The following ABCB5 variants were observed in gnomAD, a reference collection of about 807,000 sequenced individuals.
The protein encoded by ABCB5 is ATP-binding cassette sub-family B member 5.
In ABCB5, 155 loss-of-function variants were observed where a neutral mutation model predicts 144.2. The ratio of observed to expected loss-of-function variants is 1.08; its 90% CI spans 0.94 to 1.23. The LOEUF (loss-of-function observed/expected upper bound fraction) is 1.23. Ranked by LOEUF, ABCB5 falls within the 50% of genes most tolerant of loss-of-function variation. ABCB5 has a pLI of 0.00. For missense variants in ABCB5, 1,830 were observed against 1,520.8 expected, an observed-to-expected ratio of 1.20 and a Z score of -3.38; for synonymous variants, 610 against 528.6, an observed-to-expected ratio of 1.15 and a Z score of -2.11.
At chr7:20,670,630 C>T (rs1403128751) in intron 14 of ABCB5, among the ~76,000 whole-genome samples, 3 of 152,180 alleles carry the variant, frequency 2.0e-5, no homozygotes, top group African/African-American at 7.2e-5. Flanking sequence ...AGCAAGCTGG[C>T]CGGGTGCGGT....
chr7:20,643,362 AC>A lies in ABCB5; in HGVS notation c.494del (p.Thr165IlefsTer3). The A allele has an allele frequency of 6.2e-7, 1 of 1,613,870 alleles. No individual in the cohort carries two copies. Among genetic ancestry groups the A allele is most frequent in the South Asian group, 1.1e-5 (1 of 91,078 alleles). ...FDSCDIGELN[T>X]RMTDDIDKIS... ...TAGCTGTGACATCGGTGAACTTAAC[AC>A]TCGCATGACAGAGTAAGAGGATGAT... is the stretch of plus-strand genomic sequence containing the variant. On this transcript the variant is annotated frameshift_variant, in exon 6 of 28. Transcript: ENST00000404938. LOFTEE classifies it high-confidence loss of function.
intron 13 of ABCB5, among the ~76,000 whole-genome samples, chr7:20,654,597 T>G (rs1016140627): frequency 6.6e-6 from 1 of 152,098 alleles, no homozygotes; most frequent in African/African-American, 2.4e-5. Flanking sequence ...TTCTGGGCCA[T>G]CAAAACAAAC....
At chr7:20,730,566 T>A (rs62453386) in intron 23 of ABCB5, among the ~76,000 whole-genome samples, 2 of 152,156 alleles carry the variant, frequency 1.3e-5, no homozygotes, top group African/African-American at 4.8e-5. Flanking sequence ...TATGTTCTCC[T>A]AGCCTCTAAA....
rs869149519 is a variant in ABCB5 at position 20,731,355 on chromosome 7, G to GAAAA, written c.2867+2912_2867+2915dup. ...GCAACAGAGCAAGACTCCAACTCAG[G>GAAAA]AAAAAAAAAAAAAAATATATATATA... On this transcript the variant is annotated intron_variant, in intron 23 of 27. Transcript: ENST00000404938. 4.0e-4 allele frequency among the ~76,000 whole-genome samples: 51 copies of GAAAA among 127,856 alleles called. 1 individual carries two copies. The highest frequency in any genetic ancestry group is 1.1e-3 in the East Asian group (5 of 4,382). 83.9% of individuals were successfully genotyped at this position (127,856 alleles called of 152,430 possible).
chr7:20,642,769 G>T (rs184244581), intron 5 of ABCB5, among the ~76,000 whole-genome samples: 2 of 152,228 alleles, frequency 1.3e-5, no homozygotes, highest in East Asian at 3.9e-4. Context: ...TTACCTTAGG[G>T]TGAATTCCTT....
intron 20 of ABCB5, among the ~76,000 whole-genome samples, chr7:20,717,000 A>G (rs12700234): frequency 0.076 from 11,506 of 152,238 alleles, 420 homozygotes; most frequent in Middle Eastern, 0.13. Context: ...GCCCAGGCTT[A>G]CAAGCACTTA....
chr7:20,732,031 C>T (rs541820202), intron 23 of ABCB5, among the ~76,000 whole-genome samples: 23 of 152,302 alleles, frequency 1.5e-4, no homozygotes, highest in African/African-American at 5.5e-4. Flanking sequence ...TTGAATAAAG[C>T]CAAAGTCCTT....
At chr7:20,741,837 A>G (rs2128055081) in intron 24 of ABCB5, among the ~76,000 whole-genome samples, 1 of 152,308 alleles carries the variant, frequency 6.6e-6, no homozygotes, top group Non-Finnish European at 1.5e-5. Flanking sequence ...TAGTCTAACA[A>G]CAAAAATTAA....
chr7:20,717,437 C>CT (rs557306157), intron 20 of ABCB5, among the ~76,000 whole-genome samples: 6,850 of 132,930 alleles, frequency 0.052, 209 homozygotes, highest in Middle Eastern at 0.12. Flanking sequence ...CAGATTTCCT[C>CT]TTTTTTTTTT....
intron 14 of ABCB5, among the ~76,000 whole-genome samples, chr7:20,668,836 C>A (rs1785336629): frequency 7.8e-6 from 1 of 128,736 alleles, no homozygotes; most frequent in Admixed American, 7.4e-5. Context: ...GCCGCCCCGT[C>A]CGGGAGGGAG....
intron 21 of ABCB5, among the ~76,000 whole-genome samples, chr7:20,725,462 C>T (rs1782005328): frequency 6.6e-6 from 1 of 152,160 alleles, no homozygotes; most frequent in Non-Finnish European, 1.5e-5. Context: ...GCCTGCAATC[C>T]CAGCTACTCA....
At chr7:20,704,675 TA>T (rs550551533) in intron 19 of ABCB5, 48 bp from the exon 20 acceptor site, 176 of 1,491,018 alleles carry the variant, frequency 1.2e-4, no homozygotes, top group Middle Eastern at 1.9e-4. Flanking sequence ...ACAAGTCAGA[TA>T]AAAAAAATGA....
chr7:20,720,200 G>A (rs999519155), intron 20 of ABCB5, among the ~76,000 whole-genome samples: 1 of 152,112 alleles, frequency 6.6e-6, no homozygotes, highest in African/African-American at 2.4e-5. Context: ...CAAAGCCAAC[G>A]TGAAGGGACT....
rs1459539018 is a variant in ABCB5, at chr7:20,756,256, G to GAGCC, written c.*634_*637dup. ...CACCAGTAAGTGAAGTGCCTCACATGAGCCATCCCAAAGATTCATTATTCC... is the reference window on the plus strand; with the variant it reads ...CACCAGTAAGTGAAGTGCCTCACATGAGCCAGCCATCCCAAAGATTCATTATTCC... On this transcript the variant is annotated 3_prime_UTR_variant, in exon 28 of 28. Transcript: ENST00000404938. 6.6e-6 allele frequency: 1 copy of GAGCC among 152,384 alleles called. No individual in the cohort carries two copies. Among genetic ancestry groups the GAGCC allele is most frequent in the African/African-American group, 2.4e-5 (1 of 41,442 alleles). 9.4% of individuals were successfully genotyped at this position (152,384 alleles called of 1,614,324 possible).
chr7:20,671,471 C>T (rs1354498509), intron 14 of ABCB5, among the ~76,000 whole-genome samples: 2 of 152,222 alleles, frequency 1.3e-5, no homozygotes, highest in African/African-American at 2.4e-5. Context: ...CTGACCCTCT[C>T]CAGCCCTCCT....
chr7:20,694,533 C>T (rs1483079961), intron 16 of ABCB5, among the ~76,000 whole-genome samples: 1 of 151,932 alleles, frequency 6.6e-6, no homozygotes, highest in East Asian at 1.9e-4. Context: ...AGACTAAGAT[C>T]GAGAACAAGG....
chr7:20,626,625 G>C lies in ABCB5; in HGVS notation c.108+14G>C. Reference sequence around the variant, plus strand: ...TCTATTGAGATAGTAAGTGAAATCAGTTAGAAAGTACATGCATTAGAAGAT... The same window carrying C: ...TCTATTGAGATAGTAAGTGAAATCACTTAGAAAGTACATGCATTAGAAGAT... On this transcript the variant is annotated intron_variant, in intron 3 of 27. Transcript: ENST00000404938. 6.3e-7 allele frequency: 1 copy of C among 1,595,882 alleles called. No homozygotes were observed. Among genetic ancestry groups the C allele is most frequent in the Non-Finnish European group, 8.5e-7 (1 of 1,170,868 alleles).
intron 22 of ABCB5, 42 bp from the exon 23 acceptor site, chr7:20,728,273 A>G (rs1782099740): frequency 1.9e-6 from 3 of 1,602,172 alleles, no homozygotes; most frequent in South Asian, 2.2e-5. Context: ...TGACCTTGCT[A>G]TAATTCATGC....
intron 14 of ABCB5, chr7:20,660,051 G>T: frequency 1.0e-6 from 1 of 985,424 alleles, no homozygotes; most frequent in Non-Finnish European, 1.2e-6. Context: ...TTCATGTTGT[G>T]CCCGCAGTAT....
Sources: allele counts gnomAD v4.1 joint callset (sites outside exome capture counted in the v4.1 genomes callset), GRCh38; gene constraint gnomAD v4.1.1; transcripts MANE v1.5; gene names NCBI Gene and HGNC (gene_info 2026-07-23, HGNC 2026-07-21).